SERPINB3: variants seen among roughly 807,000 people sequenced by gnomAD.
The protein encoded by SERPINB3 is serpin B3.
In SERPINB3, 33 loss-of-function variants were observed where a neutral mutation model predicts 33.0. That is an observed-to-expected ratio of 1.00 (90% CI 0.76 to 1.34). The LOEUF is 1.34. SERPINB3 is among the 40% of genes most tolerant of loss of function. The probability of loss-of-function intolerance (pLI) is 0.00; values close to 1 mark genes in which losing one functional copy is unlikely to be tolerated. For synonymous variants in SERPINB3, 200 were observed against 170.9 expected (o/e 1.17, Z -1.33); for missense variants, 518 against 461.5 (o/e 1.12, Z -1.12).
Position 63,655,852 on chromosome 18 carries a change from A to T in SERPINB3, c.978T>A (p.Ser326=). The T allele has an allele frequency of 6.2e-7, 1 of 1,613,982 alleles. No homozygotes were observed. Among genetic ancestry groups the T allele is most frequent in the South Asian group, 1.1e-5 (1 of 91,078 alleles). The change falls in exon 8 of 8, where the codon TCT becomes TCA. Residue 326 remains serine (S), a synonymous_variant. Coordinates refer to ENST00000283752, the MANE Select transcript of SERPINB3 (RefSeq NM_006919.3). The stretch of plus-strand genomic sequence containing the variant: ...CCACAAAGGCCTTGTGTAGGACTCC[A>T]GATAGCACGAGACCGCGGCTCCCGG... ...GMTGSRGLVL[S]GVLHKAFVEV... is the part of the protein sequence containing the mutation.
In SERPINB3 at chr18:63,655,972, C is replaced by T. The variant is rs2144491198; in HGVS notation, c.858G>A (p.Arg286=). Residue 286 remains arginine (R), a synonymous_variant, in exon 8 of 8, where the codon CGG becomes CGA. Coordinates refer to ENST00000283752, the MANE Select transcript of SERPINB3 (RefSeq NM_006919.3). ...GGTCATAGCTCTCTTCCACTTTGAA[C>T]CGAGGTAAGTGTAAATCGACACGTG... ...RETRVDLHLP[R]FKVEESYDLK... is the part of the protein sequence containing the mutation. The T allele has an allele frequency of 1.2e-6, 2 of 1,613,994 alleles. No individual in the cohort carries two copies. The highest frequency in any genetic ancestry group is 1.7e-6 in the Non-Finnish European group (2 of 1,179,958).
chr18:63,656,123 A>G (rs1388322140), intron 7 of SERPINB3, 62 bp from the exon 8 acceptor site: 1 of 1,548,202 alleles, frequency 6.5e-7, no homozygotes, highest in Non-Finnish European at 8.7e-7. Context: ...CACCTTAACA[A>G]TGAATTGACT....
chr18:63,661,330 T>C (rs984102670), intron 1 of SERPINB3, 88 bp from the exon 2 acceptor site: 2 of 1,403,228 alleles, frequency 1.4e-6, no homozygotes, highest in African/African-American at 1.4e-5. Context: ...ATTATATATC[T>C]GTGTTGTGAG....
At position 63,659,304 on chromosome 18, in the gene SERPINB3, G is replaced by C. The variant is rs535406893; in HGVS notation, c.351+95C>G. On this transcript the variant is annotated intron_variant, in intron 4 of 7. Coordinates refer to ENST00000283752, the MANE Select transcript of SERPINB3 (RefSeq NM_006919.3). ...TGAGTAAATGCTCTCCACCTGGATC[G>C]GTCAGGCTCATCTGCCTTGCTTTCT... is the stretch of plus-strand genomic sequence containing the variant. 5 of 1,358,222 alleles carry C rather than the reference G, an allele frequency of 3.7e-6. No homozygotes were observed. The East Asian group carries it at 6.9e-5, about 19-fold the overall frequency. The allele number at this position is 1,358,222 out of a possible 1,614,324, so 84.1% of individuals were successfully genotyped here. A position where few individuals can be genotyped will look rare whatever the true frequency, so the allele number is the denominator to read the frequency against.
rs190601396 is a variant in SERPINB3 at position 63,655,995 on chromosome 18, G to A, written c.835C>T (p.Arg279Cys). The change falls in exon 8 of 8, where the codon CGT becomes TGT. Residue 279 changes from arginine (R) to cysteine (C), a missense_variant. Transcript: ENST00000283752. ...AACCGAGGTAAGTGTAAATCGACAC[G>A]TGTCTCTCTCATATTCTGCAAACTT... ...WTSLQNMRETRVDLHLPRFKV... is the reference protein window; with the variant it reads ...WTSLQNMRETCVDLHLPRFKV... The A allele has an allele frequency of 7.6e-5, 123 of 1,613,898 alleles. No individual in the cohort carries two copies. The highest frequency in any genetic ancestry group is 3.8e-4 in the Admixed American group (23 of 59,958).
At chr18:63,657,149 G>A (rs1410909396) in intron 6 of SERPINB3, 121 bp downstream of exon 6, 1 of 891,156 alleles carries the variant, frequency 1.1e-6, no homozygotes, top group South Asian at 2.7e-5. Flanking sequence ...AAAGTTATAA[G>A]ACTAAAACAA....
rs543183353 is a variant in SERPINB3 at position 63,658,617 on chromosome 18, G to T, written c.365C>A (p.Ala122Asp). Residue 122 changes from alanine (A) to aspartate (D), a missense_variant, in exon 5 of 8, where the codon GCC becomes GAC. Transcript: ENST00000283752. ...TYLFLQEYLDAIKKFYQTSVE... is the reference protein window; with the variant it reads ...TYLFLQEYLDDIKKFYQTSVE... ...ACTGGTCTGGTAAAATTTCTTGATG[G>T]CATCTAAATATTCCTTTGAGATATG... 5.6e-6 allele frequency: 9 copies of T among 1,611,000 alleles called. No individual in the cohort carries two copies. Among genetic ancestry groups the T allele is most frequent in the Non-Finnish European group, 7.6e-6 (9 of 1,177,604 alleles).
At position 63,655,755 on chromosome 18, in the gene SERPINB3, T is replaced by C. The variant is rs755428759; in HGVS notation, c.1075A>G (p.Thr359Ala). 4 of 1,613,484 alleles carry C rather than the reference T, an allele frequency of 2.5e-6. No homozygotes were observed. Among genetic ancestry groups the C allele is most frequent in the Middle Eastern group, 1.6e-4 (1 of 6,080 alleles). Residue 359 changes from threonine to alanine, a missense_variant, in exon 8 of 8, where the codon ACT (threonine) becomes GCT (alanine). By Grantham distance (58) the Thr-to-Ala change is moderately conservative. Coordinates refer to ENST00000283752, the MANE Select transcript of SERPINB3 (RefSeq NM_006919.3). The stretch of plus-strand genomic sequence containing the variant: ...TGATTACAATGGAACTCTTCATTAG[T>C]TGAAGTAGGTGATGATCCGAATCCT... ...VVGFGSSPTS[T>A]NEEFHCNHPF... is the part of the protein sequence containing the mutation.
rs377088096 is a variant in SERPINB3, at chr18:63,655,937, G to C, written c.893C>G (p.Thr298Arg). ...KVEESYDLKDTLRTMGMVDIF... is the reference protein window; with the variant it reads ...KVEESYDLKDRLRTMGMVDIF... ...ATCCACCATTCCCATGGTTCTCAAC[G>C]TGTCCTTGAGGTCATAGCTCTCTTC... is the stretch of plus-strand genomic sequence containing the variant. The change falls in exon 8 of 8, where the codon ACG becomes AGG. Residue 298 changes from threonine (T) to arginine (R), a missense_variant. Transcript: ENST00000283752. 4 of 1,613,988 alleles carry C rather than the reference G, an allele frequency of 2.5e-6. No individual in the cohort carries two copies. The South Asian group carries it at 3.3e-5, about 13-fold the overall frequency.
Position 63,656,958 on chromosome 18 carries a change from C to G in SERPINB3, c.641G>C (p.Arg214Thr), listed in dbSNP as rs774287307. The G allele has an allele frequency of 1.2e-6, 2 of 1,612,618 alleles. No homozygotes were observed. The highest frequency in any genetic ancestry group is 4.5e-5 in the East Asian group (2 of 44,826). Residue 214 changes from arginine to threonine, a missense_variant, in exon 7 of 8, where the codon AGG becomes ACG. Arg to Thr is a moderately conservative substitution (Grantham distance 71). Transcript: ENST00000283752. The part of the protein sequence containing the change: ...KNTYKSIQMM[R>T]QYTSFHFASL... ...GGCAAAATGAAAAGATGTGTATTGC[C>G]TCATCATCTGTATGGACTTGTATGT...
chr18:63,659,053 C>T (rs914063499), intron 4 of SERPINB3, among the ~76,000 whole-genome samples: 1 of 152,216 alleles, frequency 6.6e-6, no homozygotes, highest in Admixed American at 6.5e-5. Context: ...CTGCCCATTC[C>T]AATAATATCC....
In SERPINB3 at chr18:63,655,744, C is replaced by G. The variant is rs1568169720; in HGVS notation, c.1086G>C (p.Glu362Asp). ...FGSSPTSTNE[E>D]FHCNHPFLFF... is the part of the protein sequence containing the mutation. ...ATAGGAAAGGGTGATTACAATGGAA[C>G]TCTTCATTAGTTGAAGTAGGTGATG... Residue 362 changes from glutamate to aspartate, a missense_variant, in exon 8 of 8, where the codon GAG (glutamate) becomes GAC (aspartate). Glu to Asp is a conservative substitution (Grantham distance 45). Coordinates refer to ENST00000283752, the MANE Select transcript of SERPINB3 (RefSeq NM_006919.3). 1.9e-6 allele frequency: 3 copies of G among 1,613,896 alleles called. No individual in the cohort carries two copies. The highest frequency in any genetic ancestry group is 2.2e-5 in the East Asian group (1 of 44,876).
At chr18:63,658,126 C>T (rs896846751) in intron 5 of SERPINB3, among the ~76,000 whole-genome samples, 1 of 152,070 alleles carries the variant, frequency 6.6e-6, no homozygotes, top group Non-Finnish European at 1.5e-5. Flanking sequence ...GCTTGTTTCC[C>T]AATTAGTAAA....
At chr18:63,656,649 C>T (rs774021021) in intron 7 of SERPINB3, among the ~76,000 whole-genome samples, 182 bp downstream of exon 7, 38 of 152,096 alleles carry the variant, frequency 2.5e-4, no homozygotes, top group African/African-American at 9.2e-4. Flanking sequence ...TTAACTATGC[C>T]TTCAGTTTGT....
intron 5 of SERPINB3, among the ~76,000 whole-genome samples, chr18:63,657,731 T>C (rs369068092): frequency 7.2e-5 from 11 of 152,170 alleles, no homozygotes; most frequent in East Asian, 1.9e-4. Flanking sequence ...GTCTACTCTT[T>C]CAACATGTGT....
In SERPINB3 at chr18:63,661,038, A is replaced by T. The variant is rs372246924; in HGVS notation, c.165+14T>A. 1.7e-5 allele frequency: 27 copies of T among 1,613,326 alleles called. No homozygotes were observed. The highest frequency in any genetic ancestry group is 2.1e-5 in the Non-Finnish European group (25 of 1,179,592). ...AAAACTGCAACAGGACAACATAATGATGCTGATAGCTACCTTCTTAATCTG... is the reference window on the plus strand; with the variant it reads ...AAAACTGCAACAGGACAACATAATGTTGCTGATAGCTACCTTCTTAATCTG... On this transcript the variant is annotated intron_variant, in intron 2 of 7. Coordinates refer to ENST00000283752, the MANE Select transcript of SERPINB3 (RefSeq NM_006919.3).
chr18:63,656,387 T>A (rs1285036186), intron 7 of SERPINB3, among the ~76,000 whole-genome samples: 1 of 152,220 alleles, frequency 6.6e-6, no homozygotes, highest in Non-Finnish European at 1.5e-5. Context: ...TCACTATTTC[T>A]TGTGCCAACA....
chr18:63,658,629 T>C lies in SERPINB3; in HGVS notation c.353A>G (p.Glu118Gly). 2 of 1,604,650 alleles carry C rather than the reference T, an allele frequency of 1.2e-6. No individual in the cohort carries two copies. Among genetic ancestry groups the C allele is most frequent in the Non-Finnish European group, 1.7e-6 (2 of 1,171,802 alleles). Residue 118 changes from glutamate to glycine, a missense_variant and splice_region_variant, in exon 5 of 8, where the codon GAA becomes GGA. Coordinates refer to ENST00000283752, the MANE Select transcript of SERPINB3 (RefSeq NM_006919.3). ...AAATTTCTTGATGGCATCTAAATATTCCTTTGAGATATGAAGGAAGAAAGT... is the reference window on the plus strand; with the variant it reads ...AAATTTCTTGATGGCATCTAAATATCCCTTTGAGATATGAAGGAAGAAAGT... ...FGEKTYLFLQ[E>G]YLDAIKKFYQ...
At position 63,657,264 on chromosome 18, in the gene SERPINB3, C is replaced by G. The variant is rs575948260; in HGVS notation, c.612+6G>C. ...TTACATTATATAAATAAAATATAGA[C>G]AATACCTTGTTTGGCCAAAATTTTT... On this transcript the variant is annotated splice_donor_region_variant and intron_variant, in intron 6 of 7. Coordinates refer to ENST00000283752, the MANE Select transcript of SERPINB3 (RefSeq NM_006919.3). 3 of 1,435,188 alleles carry G rather than the reference C, an allele frequency of 2.1e-6. No individual in the cohort carries two copies. Among genetic ancestry groups the G allele is most frequent in the South Asian group, 2.5e-5 (2 of 80,210 alleles). 88.9% of individuals were successfully genotyped at this position (1,435,188 alleles called of 1,614,324 possible).
Sources: gnomAD v4.1 joint callset for allele counts (sites outside exome capture counted in the v4.1 genomes callset) on GRCh38, gnomAD v4.1.1 for gene constraint, MANE v1.5 for transcripts, NCBI Gene and HGNC (gene_info 2026-07-23, HGNC 2026-07-21) for gene names.